GTF3C2: variants seen among roughly 807,000 people sequenced by gnomAD.
GTF3C2 encodes general transcription factor 3C polypeptide 2.
GTF3C2 carries 17 observed loss-of-function variants against 117.4 expected under a neutral mutation model. That is an observed-to-expected ratio of 0.14 (90% confidence interval 0.10 to 0.22). GTF3C2 has a LOEUF of 0.22. GTF3C2 is among the 10% of genes least tolerant of loss of function. The pLI, the probability that GTF3C2 is intolerant of heterozygous loss-of-function variation, is 1.00. For synonymous variants in GTF3C2, 437 were observed against 427.0 expected, an observed-to-expected ratio of 1.02 and a Z score of -0.29; for missense variants, 888 against 1,143.6, an observed-to-expected ratio of 0.78 and a Z score of 3.22.
rs1680219192 is a variant in GTF3C2, at chr2:27,329,868, A to G, written c.1733-345T>C. On this transcript the variant is annotated intron_variant, in intron 12 of 18. Coordinates refer to ENST00000264720, the Ensembl canonical transcript of GTF3C2. This position sits in a 1 kb window ranked among gnomAD's most constrained non-coding sequence, Gnocchi z 4.5. ...CTTTTAAAAAGCATAGGTGGGGCAC[A>G]CGGTGGCTCATGCCTGTAATCTCAA... Among the ~76,000 whole-genome samples, 1 of 152,176 alleles carries G rather than the reference A, an allele frequency of 6.6e-6. No homozygotes were observed. The highest frequency in any genetic ancestry group is 2.1e-4 in the South Asian group (1 of 4,832).
intron 1 of GTF3C2, among the ~76,000 whole-genome samples, chr2:27,355,505 A>G (rs1176762339): frequency 6.6e-6 from 1 of 151,346 alleles, no homozygotes; most frequent in Admixed American, 6.6e-5. Context: ...GGGCAACAAG[A>G]ACAAAACTCC....
chr2:27,348,625 G>A (rs1476030215), intron 1 of GTF3C2, among the ~76,000 whole-genome samples: 4 of 151,172 alleles, frequency 2.6e-5, no homozygotes, highest in African/African-American at 7.3e-5. Context: ...CCAACATAGC[G>A]AAACCCCATC....
At chr2:27,338,120 C>T (rs896656680) in intron 4 of GTF3C2, 100 bp from the exon 5 acceptor site, 17 of 772,614 alleles carry the variant, frequency 2.2e-5, no homozygotes, top group Non-Finnish European at 3.8e-5. Flanking sequence ...TTTGGCAATA[C>T]CTCCCCCTCC....
intron 12 of GTF3C2, among the ~76,000 whole-genome samples, chr2:27,331,755 A>C (rs1680278258): frequency 6.6e-6 from 1 of 151,954 alleles, no homozygotes; most frequent in Non-Finnish European, 1.5e-5. Flanking sequence ...CCTGGGCAAC[A>C]TGGCGAAACC....
At chr2:27,340,773 A>G (rs1390528316) in intron 4 of GTF3C2, 2 of 150,558 alleles carry the variant, frequency 1.3e-5, no homozygotes, top group Non-Finnish European at 2.9e-5. Flanking sequence ...GGCGTGCGCC[A>G]CCACATCCAG....
exon 8 of GTF3C2, chr2:27,336,350 G>A: frequency 6.2e-7 from 1 of 1,612,244 alleles, no homozygotes; most frequent in Non-Finnish European, 8.5e-7. Context: ...CTGGGCACCA[G>A]TCCAGAGCCC....
In GTF3C2 at chr2:27,350,426, G is replaced by C. The variant is rs547189371; in HGVS notation, c.-25+6313C>G. The C allele has an allele frequency of 3.0e-6, 3 of 985,410 alleles. No homozygotes were observed. The African/African-American group carries it at 5.2e-5, about 17-fold the overall frequency. The allele number at this position is 985,410 out of a possible 1,614,324, so 61.0% of individuals were successfully genotyped here. On this transcript the variant is annotated intron_variant, in intron 1 of 18. Transcript: ENST00000264720. Reference sequence around the variant, plus strand: ...TTGCATAAATAAATGATCACGATGAGGGTTGAGGGAAAAACAGTTGGTAGG... The same window carrying C: ...TTGCATAAATAAATGATCACGATGACGGTTGAGGGAAAAACAGTTGGTAGG...
rs529624812 is a variant in GTF3C2 at position 27,343,137 on chromosome 2, T to C, written c.258A>G (p.Ser86=). The change falls in exon 3 of 19, where the codon TCA becomes TCG. Residue 86 remains serine (S), a synonymous_variant. Coordinates refer to ENST00000264720, the Ensembl canonical transcript of GTF3C2. ...TAGGCTTTGAGACCTTTGACATCTCTGAAGAAAGATCTGTGGAGAAGAATA... is the reference window on the plus strand; with the variant it reads ...TAGGCTTTGAGACCTTTGACATCTCCGAAGAAAGATCTGTGGAGAAGAATA... The C allele has an allele frequency of 1.9e-6, 3 of 1,572,034 alleles. No homozygotes were observed. The East Asian group carries it at 6.7e-5, about 35-fold the overall frequency.
chr2:27,340,978 T>C (rs1017295723), intron 4 of GTF3C2, among the ~76,000 whole-genome samples: 1 of 152,056 alleles, frequency 6.6e-6, no homozygotes, highest in Non-Finnish European at 1.5e-5. Context: ...TGATGTTATT[T>C]TTCTACTTAA....
At chr2:27,330,647 T>A (rs1046780787) in intron 12 of GTF3C2, among the ~76,000 whole-genome samples, 1 of 151,536 alleles carries the variant, frequency 6.6e-6, no homozygotes, top group Non-Finnish European at 1.5e-5. Context: ...CTGGGCAATA[T>A]AGTGAGACCC....
At chr2:27,341,767 CA>C in intron 4 of GTF3C2, 180 bp downstream of exon 4, 1 of 589,834 alleles carries the variant, frequency 1.7e-6, no homozygotes, top group South Asian at 2.2e-5. Flanking sequence ...TCTTGTTTAC[CA>C]TACCCCTTCT....
intron 8 of GTF3C2, 21 bp from the exon 9 acceptor site, chr2:27,336,049 G>GGGA (rs1336762400): frequency 1.3e-6 from 2 of 1,532,026 alleles, no homozygotes; most frequent in Non-Finnish European, 1.8e-6. Flanking sequence ...AGAGCATGTG[G>GGGA]GGATGGTGGG....
chr2:27,349,886 T>C (rs1681065479), intron 1 of GTF3C2, among the ~76,000 whole-genome samples: 1 of 151,664 alleles, frequency 6.6e-6, no homozygotes, highest in Non-Finnish European at 1.5e-5. Flanking sequence ...ATGATCCCCC[T>C]GCCTCAGTTT....
chr2:27,343,420 T>C, exon 2 of GTF3C2: 1 of 1,614,140 alleles, frequency 6.2e-7, no homozygotes, highest in Non-Finnish European at 8.5e-7. Context: ...CGGAAGCCTC[T>C]GCACTGGTCA....
At chr2:27,349,466 CAAAT>C (rs995957192) in intron 1 of GTF3C2, among the ~76,000 whole-genome samples, 7 of 151,766 alleles carry the variant, frequency 4.6e-5, no homozygotes, top group Admixed American at 4.6e-4. Flanking sequence ...TTTTAAAAGA[CAAAT>C]AACTATATGC....
intron 1 of GTF3C2, among the ~76,000 whole-genome samples, chr2:27,350,110 A>C (rs1178139300): frequency 6.6e-6 from 1 of 152,206 alleles, no homozygotes; most frequent in East Asian, 1.9e-4. Context: ...CAATGAAGAT[A>C]TAAATAAAAT....
chr2:27,356,506 G>A (rs1681390371), intron 1 of GTF3C2: 4 of 233,510 alleles, frequency 1.7e-5, no homozygotes, highest in Admixed American at 4.7e-5. Context: ...ACCGCGTGGG[G>A]GAGGAGGGCA....
exon 19 of GTF3C2, chr2:27,326,078 C>T (rs1680063719): frequency 7.6e-6 from 3 of 393,578 alleles, no homozygotes; most frequent in Non-Finnish European, 1.6e-5. Flanking sequence ...ATTGGGAATA[C>T]TTCGTAAGCA....
intron 17 of GTF3C2, 25 bp from the exon 18 acceptor site, chr2:27,327,309 G>C: frequency 8.5e-7 from 1 of 1,175,392 alleles, no homozygotes; most frequent in East Asian, 2.4e-5. Flanking sequence ...TGGAATAGGA[G>C]AGAGAAAGTG....
Sources: gnomAD v4.1 joint callset for allele counts (sites outside exome capture counted in the v4.1 genomes callset) on GRCh38, gnomAD v4.1.1 for gene constraint, Gnocchi (gnomAD v3.1) non-coding constraint, MANE v1.5 for transcripts, NCBI Gene and HGNC (gene_info 2026-07-23, HGNC 2026-07-21) for gene names.